Variants in MRPS6 observed in about 807,000 individuals in gnomAD.
The protein encoded by MRPS6 is small ribosomal subunit protein bS6m.
A neutral mutation model predicts 13.1 loss-of-function variants in MRPS6; 6 were observed. The observed-to-expected ratio is 0.46, with a 90% CI of 0.25 to 0.91. MRPS6 has a LOEUF of 0.91. Ranked by LOEUF, MRPS6 falls within the 40% of genes least tolerant of loss-of-function variation. MRPS6 has a pLI of 0.18. For missense variants in MRPS6, 164 were observed against 155.6 expected (o/e 1.05, Z -0.29); for synonymous variants, 61 against 56.5 (o/e 1.08, Z -0.36).
intron 1 of MRPS6, chr21:34,095,965 A>G (rs759490854): frequency 3.1e-6 from 5 of 1,614,004 alleles, no homozygotes. Context: ...AATCCAACAG[A>G]TGAAGATGTT....
chr21:34,086,517 T>TGTGTG (rs1978388281), intron 1 of MRPS6, among the ~76,000 whole-genome samples: 8 of 148,384 alleles, frequency 5.4e-5, no homozygotes, highest in African/African-American at 2.0e-4. Flanking sequence ...TAGTTTGTGT[T>TGTGTG]TGTGTGTGTG....
At chr21:34,106,220 T>G (rs1979469724) in intron 1 of MRPS6, 1 of 960,294 alleles carries the variant, frequency 1.0e-6, no homozygotes, top group African/African-American at 1.8e-5. Flanking sequence ...TATGGAAATG[T>G]TAGCAATTCT....
chr21:34,122,748 G>A (rs1391668496), intron 1 of MRPS6: 2 of 151,382 alleles, frequency 1.3e-5, no homozygotes, highest in Admixed American at 6.6e-5. Flanking sequence ...GCTGAGACCC[G>A]ACTCTTTATT....
chr21:34,112,520 ACAGT>A (rs1165219076), intron 1 of MRPS6, among the ~76,000 whole-genome samples: 1 of 152,174 alleles, frequency 6.6e-6, no homozygotes, highest in Non-Finnish European at 1.5e-5. Flanking sequence ...AACCATCACC[ACAGT>A]CAGTTTTAGA....
At position 34,073,612 on chromosome 21, in the gene MRPS6, T is replaced by G. The variant is rs980782884; in HGVS notation, c.-89T>G. 4.2e-6 allele frequency: 5 copies of G among 1,195,524 alleles called. No homozygotes were observed. The African/African-American group carries it at 8.1e-5, about 19-fold the overall frequency. 74.1% of individuals were successfully genotyped at this position (1,195,524 alleles called of 1,614,324 possible). A position where few individuals can be genotyped will look rare whatever the true frequency, so the allele number is the denominator to read the frequency against. On this transcript the variant is annotated 5_prime_UTR_variant, in exon 1 of 3. Coordinates refer to ENST00000399312, the MANE Select transcript of MRPS6 (RefSeq NM_032476.4). ...GCCTGGGAGCCGTCCGGCGCAGCAG[T>G]TTCTAGGTCCCCACTGTCCCCGCCG...
At position 34,096,849 on chromosome 21, in the gene MRPS6, A is replaced by C. The variant is rs775869618; in HGVS notation, c.45+23104A>C. 3.1e-6 allele frequency: 5 copies of C among 1,613,978 alleles called. No individual in the cohort carries two copies. The highest frequency in any genetic ancestry group is 4.2e-6 in the Non-Finnish European group (5 of 1,180,000). ...AACCACCACCTTTTGGTCTAAGAAG[A>C]ACCTGGTGGTGAAGGAGAACTGCTC... On this transcript the variant is annotated intron_variant, in intron 1 of 2. Transcript: ENST00000399312. This position sits in a 1 kb window ranked among gnomAD's most constrained non-coding sequence, Gnocchi z 5.9.
intron 1 of MRPS6, among the ~76,000 whole-genome samples, chr21:34,088,668 A>T (rs1307278959): frequency 6.6e-6 from 1 of 152,232 alleles, no homozygotes; most frequent in Non-Finnish European, 1.5e-5. Flanking sequence ...CTGTTTAGAC[A>T]TATAGATGTG....
At chr21:34,127,494 C>A (rs79194736) in intron 2 of MRPS6, among the ~76,000 whole-genome samples, 1 of 152,262 alleles carries the variant, frequency 6.6e-6, no homozygotes, top group South Asian at 2.1e-4. Flanking sequence ...CAGTAAGATC[C>A]GTTCATTAAT....
At chr21:34,128,470 CAGA>C (rs1338459047) in intron 2 of MRPS6, among the ~76,000 whole-genome samples, 1 of 152,064 alleles carries the variant, frequency 6.6e-6, no homozygotes, top group Non-Finnish European at 1.5e-5. Flanking sequence ...GAAATCTGCC[CAGA>C]GGAGGAGGAG....
At chr21:34,091,801 A>G (rs566598139) in intron 1 of MRPS6, among the ~76,000 whole-genome samples, 1 of 152,160 alleles carries the variant, frequency 6.6e-6, no homozygotes, top group Non-Finnish European at 1.5e-5. Flanking sequence ...TCTGCTCATC[A>G]CCACTAGGGG....
chr21:34,081,881 T>C (rs1200457612), intron 1 of MRPS6, among the ~76,000 whole-genome samples: 1 of 152,168 alleles, frequency 6.6e-6, no homozygotes, highest in Non-Finnish European at 1.5e-5. Context: ...AATCCCAAAC[T>C]AGATCAAAGC....
chr21:34,097,895 C>A, intron 1 of MRPS6: 2 of 996,786 alleles, frequency 2.0e-6, no homozygotes, highest in South Asian at 9.4e-5. Flanking sequence ...TTAGCATGAG[C>A]CTACGGATTC....
rs373598867 is a variant in MRPS6 at position 34,073,696 on chromosome 21, C to T, written c.-5C>T. On this transcript the variant is annotated 5_prime_UTR_variant, in exon 1 of 3. Coordinates refer to ENST00000399312, the MANE Select transcript of MRPS6 (RefSeq NM_032476.4). ...TTCCGAGCCGCACTCGCCGATCCTC[C>T]AGGCATGCCCCGCTACGAGCTGGCT... is the stretch of plus-strand genomic sequence containing the variant. 5.6e-5 allele frequency: 85 copies of T among 1,520,884 alleles called. No individual in the cohort carries two copies. Among genetic ancestry groups the T allele is most frequent in the Non-Finnish European group, 7.1e-5 (80 of 1,126,742 alleles). The allele number at this position is 1,520,884 out of a possible 1,614,324, so 94.2% of individuals were successfully genotyped here.
At chr21:34,135,569 C>A in intron 2 of MRPS6, 1 of 457,598 alleles carries the variant, frequency 2.2e-6, no homozygotes. Flanking sequence ...AGGGCACCCT[C>A]AAGAGTGCCT....
At chr21:34,107,138 G>T (rs1459779010) in intron 1 of MRPS6, among the ~76,000 whole-genome samples, 1 of 152,180 alleles carries the variant, frequency 6.6e-6, no homozygotes. Context: ...TGCCATGTTG[G>T]CCAGGCTGGT....
At chr21:34,073,842 C>A in intron 1 of MRPS6, 97 bp downstream of exon 1, 1 of 790,416 alleles carries the variant, frequency 1.3e-6, no homozygotes, top group Non-Finnish European at 1.7e-6. Context: ...GGACCCCGGG[C>A]CTTCCTGCAC....
chr21:34,110,765 A>G (rs1417473889), intron 1 of MRPS6, among the ~76,000 whole-genome samples: 1 of 152,122 alleles, frequency 6.6e-6, no homozygotes, highest in South Asian at 2.1e-4. Context: ...ACCTTGCCTC[A>G]TGTGTGTTTC....
At chr21:34,089,394 T>G (rs1459785804) in intron 1 of MRPS6, among the ~76,000 whole-genome samples, 1 of 151,714 alleles carries the variant, frequency 6.6e-6, no homozygotes, top group Non-Finnish European at 1.5e-5. Flanking sequence ...CTAGTATCAT[T>G]CACATAAAAG....
At chr21:34,116,373 G>C (rs1365840694) in intron 1 of MRPS6, among the ~76,000 whole-genome samples, 1 of 149,272 alleles carries the variant, frequency 6.7e-6, no homozygotes, top group African/African-American at 2.5e-5. Context: ...GTGGTGTTTG[G>C]TTACATTAAT....
Sources: gnomAD v4.1 joint callset for allele counts (sites outside exome capture counted in the v4.1 genomes callset) on GRCh38, gnomAD v4.1.1 for gene constraint, Gnocchi (gnomAD v3.1) non-coding constraint, MANE v1.5 for transcripts, NCBI Gene and HGNC (gene_info 2026-07-23, HGNC 2026-07-21) for gene names.